Variants in NCOR1 observed in about 807,000 individuals in gnomAD.
NCOR1 encodes protein phosphatase 1, regulatory subunit 109.
NCOR1 carries 63 observed loss-of-function variants against 288.1 expected under a neutral mutation model. The ratio of observed to expected loss-of-function variants is 0.22; its 90% CI spans 0.18 to 0.27. NCOR1 has a LOEUF of 0.27. Ranked by LOEUF, NCOR1 falls within the 10% of genes least tolerant of loss-of-function variation. NCOR1 has a pLI of 1.00. For synonymous variants in NCOR1, 1,007 were observed against 1,065.9 expected (o/e 0.94, Z 1.08); for missense variants, 2,397 against 3,019.2 (o/e 0.79, Z 4.83).
Position 16,054,787 on chromosome 17 carries a change from C to T in NCOR1, c.6392+2727G>A, listed in dbSNP as rs142078894. On this transcript the variant is annotated intron_variant, in intron 40 of 45. Coordinates refer to ENST00000268712, the MANE Select transcript of NCOR1 (RefSeq NM_006311.4). ...TCTCTACTAAAAATACAAAAATTAA[C>T]CAGATATGGGGGCAGGAGCCTGTAA... Among the ~76,000 whole-genome samples, 677 of 152,014 alleles carry T rather than the reference C, an allele frequency of 4.5e-3. 2 individuals carry two copies. Among genetic ancestry groups the T allele is most frequent in the Non-Finnish European group, 7.5e-3 (513 of 67,994 alleles).
At chr17:16,157,125 T>C (rs1362244451) in intron 6 of NCOR1, among the ~76,000 whole-genome samples, 1 of 152,132 alleles carries the variant, frequency 6.6e-6, no homozygotes, top group African/African-American at 2.4e-5. Flanking sequence ...CAGAGGACTT[T>C]TTTTTTTTAA....
chr17:16,047,336 C>T (rs113939478), intron 41 of NCOR1, among the ~76,000 whole-genome samples: 4 of 152,066 alleles, frequency 2.6e-5, no homozygotes, highest in African/African-American at 9.7e-5. Flanking sequence ...TAATCTAGAG[C>T]AGAAATTCTT....
chr17:16,214,631 T>G (rs1357945187), intron 1 of NCOR1, among the ~76,000 whole-genome samples: 2 of 152,188 alleles, frequency 1.3e-5, no homozygotes, highest in East Asian at 3.8e-4. Context: ...TTTTCGTCCA[T>G]ATCACTTATT....
At position 16,215,478 on chromosome 17, in the gene NCOR1, C is replaced by CCAGCCGCCG. The variant is rs1009281449; in HGVS notation, c.-196_-188dup. 2.5e-6 allele frequency: 1 copy of CCAGCCGCCG among 398,596 alleles called. No homozygotes were observed. The highest frequency in any genetic ancestry group is 2.1e-5 in the African/African-American group (1 of 48,596). 24.7% of individuals were successfully genotyped at this position (398,596 alleles called of 1,614,324 possible). A position where few individuals can be genotyped will look rare whatever the true frequency, so the allele number is the denominator to read the frequency against. ...CGGCGCGGCGAGTCGGACGCTCACTCCAGCCGCCGCCGCCGCCGCGGCTGC... is the reference window on the plus strand; with the variant it reads ...CGGCGCGGCGAGTCGGACGCTCACTCCAGCCGCCGCAGCCGCCGCCGCCGCCGCGGCTGC... On this transcript the variant is annotated 5_prime_UTR_variant, in exon 1 of 46. Transcript: ENST00000268712.
chr17:16,110,985 T>C (rs893459556), intron 18 of NCOR1, among the ~76,000 whole-genome samples: 9 of 152,220 alleles, frequency 5.9e-5, no homozygotes, highest in African/African-American at 2.2e-4. Context: ...TTGTTTGTTT[T>C]TGAATATGAG....
rs11078330 is a variant in NCOR1, at chr17:16,073,691, A to T, written c.3671-122T>A. On this transcript the variant is annotated intron_variant, in intron 27 of 45. Coordinates refer to ENST00000268712, the MANE Select transcript of NCOR1 (RefSeq NM_006311.4). ...AATATTAAAACTTGTCTTAACCTAC[A>T]ATAAAATATGTGTAGATGATTCATG... 358,870 of 743,264 alleles carry T rather than the reference A, an allele frequency of 0.48. 92,348 individuals are homozygous for T. Among genetic ancestry groups the T allele is most frequent in the Middle Eastern group, 0.54 (1,284 of 2,362 alleles). The allele number at this position is 743,264 out of a possible 1,614,324, so 46.0% of individuals were successfully genotyped here.
At chr17:16,170,339 A>G (rs2082895171) in intron 4 of NCOR1, among the ~76,000 whole-genome samples, 2 of 152,326 alleles carry the variant, frequency 1.3e-5, no homozygotes, top group South Asian at 4.1e-4. Flanking sequence ...TTTAAACTTC[A>G]GTATGCTTTA....
chr17:16,161,274 C>T (rs1423391430), intron 5 of NCOR1, among the ~76,000 whole-genome samples: 1 of 147,566 alleles, frequency 6.8e-6, no homozygotes, highest in Non-Finnish European at 1.5e-5. Context: ...CACACACACT[C>T]CCTCACCTGT....
At chr17:16,210,017 T>C (rs1316839791) in intron 1 of NCOR1, among the ~76,000 whole-genome samples, 1 of 152,008 alleles carries the variant, frequency 6.6e-6, no homozygotes, top group Non-Finnish European at 1.5e-5. Context: ...TTGAAATCCT[T>C]CATACTTAAA....
chr17:16,147,858 G>A (rs917285087), intron 9 of NCOR1, among the ~76,000 whole-genome samples: 13 of 151,958 alleles, frequency 8.6e-5, no homozygotes, highest in African/African-American at 3.1e-4. Flanking sequence ...CACTCTTGTT[G>A]CCCAGGCTGG....
In NCOR1 at chr17:16,170,395, G is replaced by A. The variant is rs544769449; in HGVS notation, c.435+1408C>T. On this transcript the variant is annotated intron_variant, in intron 4 of 45. Transcript: ENST00000268712. The stretch of plus-strand genomic sequence containing the variant: ...AAAAGACACTGGGAAAAATATTAGC[G>A]TATGTTGGTAAAAAGGTTAACACTT... Among the ~76,000 whole-genome samples, 56 of 152,152 alleles carry A rather than the reference G, an allele frequency of 3.7e-4. No homozygotes were observed. In the East Asian group the frequency reaches 7.5e-3, roughly 20 times the overall value.
chr17:16,189,001 G>A (rs2087448949), intron 2 of NCOR1, among the ~76,000 whole-genome samples: 2 of 152,022 alleles, frequency 1.3e-5, no homozygotes, highest in African/African-American at 4.8e-5. Flanking sequence ...CTCCAGCCTA[G>A]GTGACAGAGC....
At chr17:16,113,435 C>A (rs1465133123) in intron 18 of NCOR1, among the ~76,000 whole-genome samples, 3 of 152,120 alleles carry the variant, frequency 2.0e-5, no homozygotes, top group African/African-American at 7.2e-5. Flanking sequence ...TAGCCTCACA[C>A]AGATATGTCG....
chr17:16,156,052 G>A (rs1037582067), intron 6 of NCOR1, among the ~76,000 whole-genome samples: 1 of 152,186 alleles, frequency 6.6e-6, no homozygotes, highest in Admixed American at 6.5e-5. Flanking sequence ...CAATACTTTG[G>A]GAGACTGAGG....
Position 16,086,345 on chromosome 17 carries a change from C to A in NCOR1, c.3114G>T (p.Pro1038=). 1 of 1,614,030 alleles carries A rather than the reference C, an allele frequency of 6.2e-7. No homozygotes were observed. The highest frequency in any genetic ancestry group is 1.1e-5 in the South Asian group (1 of 91,078). ...CTGAAGCCACTGTGGTTTTGGATGA[C>A]GGGATGAGAGGGGGCGGTGGCCTGG... The part of the protein sequence containing the change: ...RPTRPPPPLI[P]SSKTTVASEK... Residue 1038 remains proline (P), a synonymous_variant, in exon 23 of 46, where the codon CCG becomes CCT. Transcript: ENST00000268712.
In NCOR1 at chr17:16,092,932, G is replaced by GGCCTCAAGTGATCCACTC. The variant is rs1286749929; in HGVS notation, c.2821-892_2821-875dup. Among the ~76,000 whole-genome samples, 5 of 151,216 alleles carry GGCCTCAAGTGATCCACTC rather than the reference G, an allele frequency of 3.3e-5. No individual in the cohort carries two copies. In the South Asian group the frequency reaches 1.0e-3, roughly 32 times the overall value. On this transcript the variant is annotated intron_variant, in intron 21 of 45. Transcript: ENST00000268712. ...TTGGCCAGGCTGGTCTCGAACTCCT[G>GGCCTCAAGTGATCCACTC]GCCTCAAGTGATCCACTCACCTCAG...
intron 16 of NCOR1, among the ~76,000 whole-genome samples, chr17:16,120,393 C>A (rs1409905848): frequency 6.6e-6 from 1 of 152,108 alleles, no homozygotes; most frequent in African/African-American, 2.4e-5. Flanking sequence ...CATGACCTGC[C>A]CCAACCTATC....
intron 1 of NCOR1, among the ~76,000 whole-genome samples, chr17:16,201,290 G>A (rs901795917): frequency 7.2e-5 from 11 of 152,126 alleles, no homozygotes; most frequent in Non-Finnish European, 1.5e-4. Flanking sequence ...ATAAATCTAT[G>A]GGTACACATA....
At chr17:16,211,577 G>A (rs990990275) in intron 1 of NCOR1, among the ~76,000 whole-genome samples, 10 of 152,154 alleles carry the variant, frequency 6.6e-5, no homozygotes, top group African/African-American at 2.2e-4. Flanking sequence ...TGAGATCGCT[G>A]TTAAATAAAA....
Sources: allele counts gnomAD v4.1 joint callset (sites outside exome capture counted in the v4.1 genomes callset), GRCh38; gene constraint gnomAD v4.1.1; transcripts MANE v1.5; gene names NCBI Gene and HGNC (gene_info 2026-07-23, HGNC 2026-07-21).